Variants in C6 observed in about 807,000 individuals in gnomAD.
The protein encoded by C6 is complement component C6.
A neutral mutation model predicts 112.9 loss-of-function variants in C6; 101 were observed. The observed-to-expected ratio is 0.89, with a 90% CI of 0.76 to 1.06. C6 has a LOEUF of 1.06. Ranked by LOEUF, C6 falls within the 50% of genes least tolerant of loss-of-function variation. The pLI, the probability that C6 is intolerant of heterozygous loss-of-function variation, is 0.00. For synonymous variants in C6, 431 were observed against 384.1 expected, an observed-to-expected ratio of 1.12 and a Z score of -1.43; for missense variants, 1,202 against 1,104.6, an observed-to-expected ratio of 1.09 and a Z score of -1.25.
intron 1 of C6, among the ~76,000 whole-genome samples, chr5:41,209,342 T>C (rs776646515): frequency 6.6e-5 from 10 of 152,132 alleles, no homozygotes; most frequent in Non-Finnish European, 1.3e-4. Flanking sequence ...ACCACCCCTA[T>C]TCAACATAGT....
At chr5:41,230,884 G>T (rs564178300) in intron 1 of C6, among the ~76,000 whole-genome samples, 1 of 152,200 alleles carries the variant, frequency 6.6e-6, no homozygotes, top group Admixed American at 6.5e-5. Flanking sequence ...AACCTACATT[G>T]AAATATTGGG....
chr5:41,150,179 A>G (rs1746251068), intron 15 of C6, among the ~76,000 whole-genome samples, 154 bp from the exon 16 acceptor site: 1 of 152,250 alleles, frequency 6.6e-6, no homozygotes, highest in Non-Finnish European at 1.5e-5. Context: ...TTGTCATTAA[A>G]TATTCCACCT....
At chr5:41,226,603 A>G (rs1406441192) in intron 1 of C6, among the ~76,000 whole-genome samples, 2 of 151,958 alleles carry the variant, frequency 1.3e-5, no homozygotes, top group African/African-American at 4.8e-5. Flanking sequence ...CATCTCCCCC[A>G]TTCCTATCAC....
rs11955836 is a variant in C6, at chr5:41,213,497, C to G, written c.-142G>C. 9.4e-4 allele frequency: 924 copies of G among 985,212 alleles called. 8 individuals are homozygous for G. In the African/African-American group the frequency reaches 0.015, roughly 16 times the overall value. 61.0% of individuals were successfully genotyped at this position (985,212 alleles called of 1,614,324 possible). A position where few individuals can be genotyped will look rare whatever the true frequency, so the allele number is the denominator to read the frequency against. On this transcript the variant is annotated 5_prime_UTR_variant, in exon 1 of 18. Transcript: ENST00000337836. Reference sequence around the variant, plus strand: ...ACAAAGCTTCTTTTCTTATTGCTAGCTAACACAAGGCAATGCTGTCATATC... The same window carrying G: ...ACAAAGCTTCTTTTCTTATTGCTAGGTAACACAAGGCAATGCTGTCATATC...
At chr5:41,182,527 T>C (rs1749439141) in intron 6 of C6, among the ~76,000 whole-genome samples, 2 of 152,220 alleles carry the variant, frequency 1.3e-5, no homozygotes, top group South Asian at 4.1e-4. Flanking sequence ...TTGCCTTCTC[T>C]TCCTTTCATG....
chr5:41,246,434 G>A (rs150335548), intron 1 of C6, among the ~76,000 whole-genome samples: 1 of 152,270 alleles, frequency 6.6e-6, no homozygotes, highest in East Asian at 1.9e-4. Flanking sequence ...TATTCTTAGT[G>A]GGAGTGCTGT....
At chr5:41,248,795 A>G (rs375462860) in intron 1 of C6, among the ~76,000 whole-genome samples, 2 of 152,212 alleles carry the variant, frequency 1.3e-5, no homozygotes, top group African/African-American at 4.8e-5. Flanking sequence ...CAGAACTACC[A>G]TTACCCAGCA....
intron 1 of C6, among the ~76,000 whole-genome samples, chr5:41,245,276 T>TGG (rs1226692613): frequency 6.6e-6 from 1 of 152,208 alleles, no homozygotes; most frequent in African/African-American, 2.4e-5. Context: ...ACGCCTGTAA[T>TGG]CCCAGCACTT....
At chr5:41,243,681 A>G (rs1203432766) in intron 1 of C6, among the ~76,000 whole-genome samples, 2 of 152,132 alleles carry the variant, frequency 1.3e-5, no homozygotes, top group South Asian at 2.1e-4. Flanking sequence ...TCTCACTTCT[A>G]CACACCAAAG....
upstream of C6, among the ~76,000 whole-genome samples, chr5:41,214,939 G>T (rs1400517781): frequency 6.6e-6 from 1 of 152,106 alleles, no homozygotes; most frequent in Non-Finnish European, 1.5e-5. Flanking sequence ...AGGATGGTAA[G>T]GGGAAATCCT....
intron 7 of C6, among the ~76,000 whole-genome samples, chr5:41,179,762 T>A (rs1749171253): frequency 6.6e-6 from 1 of 150,666 alleles, no homozygotes; most frequent in South Asian, 2.1e-4. Flanking sequence ...TACATGTCTG[T>A]GTCACCAGAA....
At chr5:41,186,023 A>G in intron 6 of C6, 47 bp downstream of exon 6, 1 of 1,612,074 alleles carries the variant, frequency 6.2e-7, no homozygotes, top group Non-Finnish European at 8.5e-7. Context: ...AATTTAGCTT[A>G]TAATCACTGA....
At chr5:41,147,282 G>T (rs1177167903) in intron 17 of C6, among the ~76,000 whole-genome samples, 1 of 152,182 alleles carries the variant, frequency 6.6e-6, no homozygotes, top group African/African-American at 2.4e-5. Context: ...TGTCTAAAAA[G>T]TTATTTAATA....
intron 1 of C6, among the ~76,000 whole-genome samples, chr5:41,211,104 G>A (rs960171034): frequency 7.9e-5 from 12 of 152,080 alleles, no homozygotes; most frequent in Non-Finnish European, 1.5e-4. Flanking sequence ...GGATGAAGTT[G>A]GAAACCATCA....
intron 9 of C6, 132 bp from the exon 10 acceptor site, chr5:41,161,991 A>C (rs1747561034): frequency 1.2e-6 from 1 of 825,792 alleles, no homozygotes; most frequent in African/African-American, 1.7e-5. Context: ...TAAGAAAGCT[A>C]AGTGAAAAAG....
chr5:41,222,161 A>T (rs1739211375), intron 1 of C6, among the ~76,000 whole-genome samples: 3 of 147,320 alleles, frequency 2.0e-5, no homozygotes, highest in Admixed American at 2.0e-4. Context: ...GAGAGACTCC[A>T]TCTCAAAAAA....
intron 15 of C6, among the ~76,000 whole-genome samples, chr5:41,150,850 G>A: frequency 7.3e-6 from 1 of 137,674 alleles, no homozygotes; most frequent in East Asian, 2.1e-4. Context: ...TTGTGCCACT[G>A]CACCCAGCCT....
At chr5:41,184,525 G>A (rs973291348) in intron 6 of C6, among the ~76,000 whole-genome samples, 2 of 151,774 alleles carry the variant, frequency 1.3e-5, no homozygotes, top group Non-Finnish European at 2.9e-5. Flanking sequence ...AGGCTGGAGT[G>A]CAGTGGCGTG....
intron 1 of C6, among the ~76,000 whole-genome samples, chr5:41,246,169 C>A (rs1381278860): frequency 2.6e-5 from 4 of 152,140 alleles, no homozygotes; most frequent in Admixed American, 2.0e-4. Context: ...AAATTTTAGT[C>A]CCAGTCTAAA....
Sources: allele counts gnomAD v4.1 joint callset (sites outside exome capture counted in the v4.1 genomes callset), GRCh38; gene constraint gnomAD v4.1.1; transcripts MANE v1.5; gene names NCBI Gene and HGNC (gene_info 2026-07-23, HGNC 2026-07-21).